The following DNAH5 variants were observed in gnomAD, a reference collection of about 807,000 sequenced individuals.
DNAH5 encodes dynein axonemal heavy chain 5.
Under a neutral mutation model 518.2 loss-of-function variants are expected in DNAH5, and 372 were observed. The ratio of observed to expected loss-of-function variants is 0.72; its 90% CI spans 0.66 to 0.78. DNAH5 has a LOEUF of 0.78. Among genes scored for constraint, DNAH5 ranks in the 30% least tolerant of loss-of-function variants. DNAH5 has a pLI of 0.00. For synonymous variants in DNAH5, 2,039 were observed against 2,025.9 expected, an observed-to-expected ratio of 1.01 and a Z score of -0.17; for missense variants, 5,523 against 5,687.0, an observed-to-expected ratio of 0.97 and a Z score of 0.93.
chr5:13,821,657 G>C (rs1014133941), intron 40 of DNAH5, among the ~76,000 whole-genome samples: 1 of 152,136 alleles, frequency 6.6e-6, no homozygotes, highest in African/African-American at 2.4e-5. Flanking sequence ...AGTACGTAAT[G>C]ATTTCAATTT....
At position 13,810,216 on chromosome 5, in the gene DNAH5, G is replaced by T. The variant is rs561666802; in HGVS notation, c.7452C>A (p.Phe2484Leu). The T allele has an allele frequency of 2.1e-5, 32 of 1,550,522 alleles. No homozygotes were observed. Among genetic ancestry groups the T allele is most frequent in the East Asian group, 2.0e-4 (8 of 40,936 alleles). The change falls in exon 45 of 79, where the codon TTC (phenylalanine) becomes TTA (leucine). Residue 2484 changes from phenylalanine (F) to leucine (L), a missense_variant. Phe to Leu is a conservative substitution (Grantham distance 22, BLOSUM62 0). Transcript: ENST00000265104. ...CCGCGCTCCACAGCAGCGCGAACACGAACAGCCGCCCCAGGTGAGCCTGGC... is the reference window on the plus strand; with the variant it reads ...CCGCGCTCCACAGCAGCGCGAACACTAACAGCCGCCCCAGGTGAGCCTGGC... The part of the protein sequence containing the change: ...EVSQAHLGRL[F>L]VFALLWSAGA...
chr5:13,808,154 C>T (rs553950494), intron 46 of DNAH5, among the ~76,000 whole-genome samples: 112 of 147,780 alleles, frequency 7.6e-4, no homozygotes, highest in Non-Finnish European at 8.9e-4. Flanking sequence ...TGCTTGAACC[C>T]GAGAGGCAGA....
intron 55 of DNAH5, among the ~76,000 whole-genome samples, chr5:13,773,511 ATAT>A (rs1554042365): frequency 6.6e-6 from 1 of 152,190 alleles, no homozygotes; most frequent in Non-Finnish European, 1.5e-5. Flanking sequence ...GATCAAGGCC[ATAT>A]TATGGAAAGA....
rs1431793748 is a variant in DNAH5, at chr5:13,919,107, T to C, written c.975+69A>G. ...AACATTTTTTTGTTCCTAATCACTC[T>C]ATGCCTTGAAAATATGCATAGAGAA... On this transcript the variant is annotated intron_variant, in intron 7 of 78. Coordinates refer to ENST00000265104, the MANE Select transcript of DNAH5 (RefSeq NM_001369.3). 1.9e-6 allele frequency: 3 copies of C among 1,592,326 alleles called. No homozygotes were observed. In the African/African-American group the frequency reaches 4.0e-5, roughly 21 times the overall value.
chr5:13,984,657 C>T (rs1221278972), intron 1 of DNAH5, among the ~76,000 whole-genome samples: 3 of 152,166 alleles, frequency 2.0e-5, no homozygotes, highest in Non-Finnish European at 4.4e-5. Flanking sequence ...ATGATATTGG[C>T]TGTGGGTTTG....
chr5:13,863,175 TC>T (rs1038392327), intron 28 of DNAH5, among the ~76,000 whole-genome samples: 49 of 152,278 alleles, frequency 3.2e-4, no homozygotes, highest in African/African-American at 1.2e-3. Context: ...CTGTTGACTT[TC>T]CCAGTCTCCT....
At chr5:13,708,482 A>G (rs1165835597) in intron 75 of DNAH5, 147 bp from the exon 76 acceptor site, 7 of 783,664 alleles carry the variant, frequency 8.9e-6, no homozygotes, top group African/African-American at 1.8e-5. Context: ...AAAAGAAAAA[A>G]AAAAAGAAAA....
intron 32 of DNAH5, among the ~76,000 whole-genome samples, chr5:13,843,763 C>A (rs151064026): frequency 3.9e-5 from 6 of 152,326 alleles, no homozygotes; most frequent in Non-Finnish European, 8.8e-5. Context: ...TTCTACTTAC[C>A]TTCAAAACAT....
chr5:13,835,494 C>T (rs1764255282), intron 35 of DNAH5, among the ~76,000 whole-genome samples: 1 of 152,190 alleles, frequency 6.6e-6, no homozygotes, highest in Admixed American at 6.5e-5. Flanking sequence ...AATTCCCACC[C>T]TCTTCTCCTT....
At chr5:13,883,216 A>G (rs997321044) in intron 19 of DNAH5, 122 bp from the exon 20 acceptor site, 1 of 1,070,928 alleles carries the variant, frequency 9.3e-7, no homozygotes, top group African/African-American at 1.6e-5. Context: ...ATATTTGTTG[A>G]ATGAATGAGT....
At chr5:13,878,142 G>A (rs570489114) in intron 21 of DNAH5, among the ~76,000 whole-genome samples, 62 of 152,198 alleles carry the variant, frequency 4.1e-4, no homozygotes, top group African/African-American at 1.4e-3. Context: ...TGCAGAGAAG[G>A]GGCTTAAAAA....
At position 13,928,139 on chromosome 5, in the gene DNAH5, G is replaced by A. The variant is rs1314223921; in HGVS notation, c.232C>T (p.Arg78Ter). 10 of 1,613,866 alleles carry A rather than the reference G, an allele frequency of 6.2e-6. No homozygotes were observed. The highest frequency in any genetic ancestry group is 4.5e-5 in the East Asian group (2 of 44,872). ...TCTTGATAGTAAAACATGAGGTGTC[G>A]GAGACCTCCAACAGCAAAAAGTTGA... ...IDQLFAVGGL[R>*]HLMFYYQDVE... The change falls in exon 3 of 79, where the codon CGA (arginine) becomes TGA (stop). Residue 78 changes from arginine (R) to a stop codon, truncating the protein, a stop_gained. Coordinates refer to ENST00000265104, the MANE Select transcript of DNAH5 (RefSeq NM_001369.3). LOFTEE classifies it high-confidence loss of function.
At chr5:13,819,465 T>G (rs762535273) in intron 41 of DNAH5, among the ~76,000 whole-genome samples, 10 of 152,058 alleles carry the variant, frequency 6.6e-5, no homozygotes, top group Non-Finnish European at 8.8e-5. Flanking sequence ...CCACCAACAA[T>G]GTACCAGTGT....
chr5:13,759,082 C>A, intron 60 of DNAH5, 99 bp from the exon 61 acceptor site: 1 of 1,523,792 alleles, frequency 6.6e-7, no homozygotes, highest in South Asian at 1.1e-5. Flanking sequence ...ATGTTTATAC[C>A]TTTGCTTTGT....
At chr5:13,828,779 C>T (rs919681017) in intron 38 of DNAH5, among the ~76,000 whole-genome samples, 1 of 152,184 alleles carries the variant, frequency 6.6e-6, no homozygotes, top group Non-Finnish European at 1.5e-5. Flanking sequence ...CTGCTAACAA[C>T]CTGAGTGAGC....
chr5:13,704,974 T>C (rs376917462), intron 76 of DNAH5, among the ~76,000 whole-genome samples: 6 of 151,314 alleles, frequency 4.0e-5, no homozygotes, highest in South Asian at 2.1e-4. Context: ...AAGGTGACTA[T>C]AGTTTATACC....
chr5:13,739,063 G>T (rs1012314046), intron 65 of DNAH5, among the ~76,000 whole-genome samples: 2 of 152,112 alleles, frequency 1.3e-5, no homozygotes, highest in Admixed American at 1.3e-4. Flanking sequence ...CAGTGCGTTT[G>T]ACAGTTCTGA....
intron 29 of DNAH5, among the ~76,000 whole-genome samples, chr5:13,860,798 C>T (rs1216856941): frequency 6.6e-6 from 1 of 152,202 alleles, no homozygotes; most frequent in Non-Finnish European, 1.5e-5. Context: ...AATGATTATA[C>T]AGCCTACCTT....
At chr5:13,929,714 G>C (rs965677281) in intron 2 of DNAH5, among the ~76,000 whole-genome samples, 5 of 152,160 alleles carry the variant, frequency 3.3e-5, no homozygotes, top group African/African-American at 1.2e-4. Context: ...GTGCTTGAGA[G>C]CCTGAGCCAG....
Sources: gnomAD v4.1 joint callset for allele counts (sites outside exome capture counted in the v4.1 genomes callset) on GRCh38, gnomAD v4.1.1 for gene constraint, MANE v1.5 for transcripts, NCBI Gene and HGNC (gene_info 2026-07-23, HGNC 2026-07-21) for gene names.